CDH18: variants seen among roughly 807,000 people sequenced by gnomAD.
The protein encoded by CDH18 is cadherin 18, also known as cadherin-18.
CDH18 carries 31 observed loss-of-function variants against 67.9 expected under a neutral mutation model. The ratio of observed to expected loss-of-function variants is 0.46; its 90% CI spans 0.34 to 0.62. The LOEUF (loss-of-function observed/expected upper bound fraction) is 0.62. CDH18 is among the 20% of genes least tolerant of loss of function. The probability of loss-of-function intolerance (pLI) is 0.01; values close to 1 mark genes in which losing one functional copy is unlikely to be tolerated. For synonymous variants in CDH18, 362 were observed against 347.2 expected, an observed-to-expected ratio of 1.04 and a Z score of -0.48; for missense variants, 890 against 975.5, an observed-to-expected ratio of 0.91 and a Z score of 1.17.
chr5:19,484,427 G>A (rs1393651294), intron 11 of CDH18, among the ~76,000 whole-genome samples: 1 of 152,102 alleles, frequency 6.6e-6, no homozygotes, highest in East Asian at 1.9e-4. Flanking sequence ...CTGCCAAATG[G>A]TATTGATGTC....
At chr5:19,933,351 T>G (rs1793911596) in intron 2 of CDH18, among the ~76,000 whole-genome samples, 1 of 151,502 alleles carries the variant, frequency 6.6e-6, no homozygotes, top group Non-Finnish European at 1.5e-5. Context: ...GTGCATTAAG[T>G]TCCATTTCAC....
intron 2 of CDH18, among the ~76,000 whole-genome samples, chr5:19,943,559 T>G (rs1195095543): frequency 1.3e-5 from 2 of 152,158 alleles, no homozygotes; most frequent in Non-Finnish European, 2.9e-5. Context: ...CTGCCATAAA[T>G]TTTAAGATCT....
intron 4 of CDH18, 43 bp downstream of exon 4, chr5:19,746,899 C>T (rs1325114804): frequency 3.3e-6 from 5 of 1,533,516 alleles, no homozygotes; most frequent in Admixed American, 3.6e-5. Context: ...TTTTGATTTT[C>T]TTAATATGTT....
At chr5:20,197,722 T>C (rs768892332) in intron 2 of CDH18, among the ~76,000 whole-genome samples, 21 of 152,200 alleles carry the variant, frequency 1.4e-4, no homozygotes, top group Non-Finnish European at 2.5e-4. Flanking sequence ...GAGAGCATTA[T>C]GTGTTACATT....
intron 5 of CDH18, among the ~76,000 whole-genome samples, chr5:19,667,505 TATAC>T (rs1376478049): frequency 0.012 from 1,517 of 127,434 alleles, 2 homozygotes; most frequent in Middle Eastern, 0.025. Flanking sequence ...TATATATATA[TATAC>T]ACACACACAC....
chr5:20,228,460 TA>T (rs1244352905), intron 2 of CDH18, among the ~76,000 whole-genome samples: 2 of 152,100 alleles, frequency 1.3e-5, no homozygotes, highest in African/African-American at 4.8e-5. Context: ...CACACATAGT[TA>T]TCATTTTTAG....
At chr5:19,994,829 A>AT (rs1491114480) in intron 2 of CDH18, among the ~76,000 whole-genome samples, 4 of 21,018 alleles carry the variant, frequency 1.9e-4, no homozygotes, top group Non-Finnish European at 2.3e-4. Context: ...ATATAAAGAG[A>AT]ATATATATAT....
At chr5:19,476,996 C>T (rs1286983575) in intron 12 of CDH18, among the ~76,000 whole-genome samples, 3 of 151,474 alleles carry the variant, frequency 2.0e-5, no homozygotes, top group African/African-American at 4.8e-5. Flanking sequence ...AATATAGAGA[C>T]CATTTACATT....
intron 2 of CDH18, among the ~76,000 whole-genome samples, chr5:20,043,252 C>T (rs1468677189): frequency 6.6e-6 from 1 of 152,090 alleles, no homozygotes; most frequent in Non-Finnish European, 1.5e-5. Flanking sequence ...GATTTAAAGC[C>T]ACCGCAGACT....
At chr5:20,442,889 T>C (rs902637107) in intron 1 of CDH18, among the ~76,000 whole-genome samples, 3 of 151,880 alleles carry the variant, frequency 2.0e-5, no homozygotes, top group African/African-American at 2.4e-5. Flanking sequence ...AAAAAGCAAC[T>C]CAGATACTAC....
At chr5:20,562,246 G>T (rs1398037328) in intron 1 of CDH18, among the ~76,000 whole-genome samples, 1 of 151,716 alleles carries the variant, frequency 6.6e-6, no homozygotes, top group Non-Finnish European at 1.5e-5. Context: ...AATAGAAATA[G>T]AAATTAGTAT....
rs142608942 is a variant in CDH18, at chr5:19,871,895, T to C, written c.-256-32653A>G. Among the ~76,000 whole-genome samples the C allele has an allele frequency of 3.1e-3, 474 of 152,280 alleles. 1 individual carries two copies. The highest frequency in any genetic ancestry group is 5.5e-3 in the Non-Finnish European group (376 of 68,014). On this transcript the variant is annotated intron_variant, in intron 2 of 12. Coordinates refer to ENST00000382275, the MANE Select transcript of CDH18 (RefSeq NM_004934.5). ...AAGATGTCCAGTAAGTATCAATACA[T>C]TTTAGTTAGGATTAATGTTAATAAC...
rs199775183 is a variant in CDH18, at chr5:19,994,918, CG to C, written c.-517-2905del. Among the ~76,000 whole-genome samples, 1,306 of 141,764 alleles carry C rather than the reference CG, an allele frequency of 9.2e-3. 43 individuals carry two copies. Among genetic ancestry groups the C allele is most frequent in the African/African-American group, 0.034 (1,225 of 36,304 alleles). The allele number at this position is 141,764 out of a possible 152,430, so 93.0% of individuals were successfully genotyped here. On this transcript the variant is annotated intron_variant, in intron 2 of 14. Coordinates refer to the CDH18 transcript ENST00000507958. ...TATAGAGAAAAAGCTCATGCAATTA[CG>C]GAGGCTAAGAGGTCCCATGATCTGC...
chr5:20,523,439 C>T (rs898792475), intron 1 of CDH18, among the ~76,000 whole-genome samples: 6 of 152,116 alleles, frequency 3.9e-5, no homozygotes, highest in Middle Eastern at 3.2e-3. Flanking sequence ...ACAATTATGA[C>T]GGTGATACAT....
intron 2 of CDH18, among the ~76,000 whole-genome samples, chr5:20,146,530 GAA>G (rs1251294305): frequency 2.0e-5 from 3 of 151,226 alleles, no homozygotes; most frequent in South Asian, 4.2e-4. Context: ...GCTTCAGAAA[GAA>G]AAAGTTTTCT....
chr5:19,507,708 G>A (rs893126390), intron 10 of CDH18, among the ~76,000 whole-genome samples: 8 of 152,170 alleles, frequency 5.3e-5, no homozygotes, highest in Middle Eastern at 3.4e-3. Flanking sequence ...TGAACAATGA[G>A]AACACATGGA....
chr5:19,678,169 A>G (rs1759761578), intron 5 of CDH18, among the ~76,000 whole-genome samples: 1 of 151,626 alleles, frequency 6.6e-6, no homozygotes, highest in Non-Finnish European at 1.5e-5. Flanking sequence ...ACCACAGAAT[A>G]TATATTCTTC....
intron 5 of CDH18, among the ~76,000 whole-genome samples, chr5:19,711,801 A>G (rs1036422684): frequency 6.6e-6 from 1 of 152,052 alleles, no homozygotes; most frequent in Non-Finnish European, 1.5e-5. Flanking sequence ...CATTTGATTC[A>G]GCAAACCCAC....
At chr5:19,746,013 T>TCATA (rs531932178) in intron 4 of CDH18, among the ~76,000 whole-genome samples, 44 of 152,202 alleles carry the variant, frequency 2.9e-4, no homozygotes, top group African/African-American at 1.0e-3. Context: ...AAAACAATAC[T>TCATA]CATACATATG....
Sources: allele counts gnomAD v4.1 joint callset (sites outside exome capture counted in the v4.1 genomes callset), GRCh38; gene constraint gnomAD v4.1.1; transcripts MANE v1.5; gene names NCBI Gene and HGNC (gene_info 2026-07-23, HGNC 2026-07-21).